The following EXT1 variants were observed in gnomAD, a reference collection of about 807,000 sequenced individuals.
The protein encoded by EXT1 is exostosin-1.
In EXT1, 20 loss-of-function variants were observed where a neutral mutation model predicts 82.5. The ratio of observed to expected loss-of-function variants is 0.24; its 90% CI spans 0.17 to 0.35. The LOEUF (loss-of-function observed/expected upper bound fraction) is 0.35, where lower values mean the gene tolerates loss of function less well. EXT1 is among the 10% of genes least tolerant of loss of function. The pLI is 1.00. For synonymous variants in EXT1, 348 were observed against 350.8 expected (o/e 0.99, Z 0.09); for missense variants, 757 against 936.5 (o/e 0.81, Z 2.50).
chr8:117,941,102 C>A, intron 1 of EXT1, among the ~76,000 whole-genome samples: 1 of 152,196 alleles, frequency 6.6e-6, no homozygotes, highest in Non-Finnish European at 1.5e-5. Context: ...AGAAATAATT[C>A]TCTCAATAAG....
intron 1 of EXT1, among the ~76,000 whole-genome samples, chr8:117,915,793 T>C (rs776030574): frequency 6.6e-6 from 1 of 151,972 alleles, no homozygotes; most frequent in Non-Finnish European, 1.5e-5. Flanking sequence ...GAGGCGGAGG[T>C]TACAGTGAGC....
chr8:117,898,972 C>T (rs1242233272), intron 1 of EXT1, among the ~76,000 whole-genome samples: 1 of 151,894 alleles, frequency 6.6e-6, no homozygotes, highest in African/African-American at 2.4e-5. Flanking sequence ...TTTTTTTACC[C>T]TCTAAATCTG....
intron 1 of EXT1, among the ~76,000 whole-genome samples, chr8:117,958,747 A>C (rs1362091231): frequency 1.3e-5 from 2 of 152,228 alleles, no homozygotes; most frequent in African/African-American, 4.8e-5. Context: ...CTACCTGCAC[A>C]TAGAACTAGA....
intron 1 of EXT1, among the ~76,000 whole-genome samples, chr8:117,897,384 G>C (rs1306932630): frequency 6.6e-6 from 1 of 152,156 alleles, no homozygotes; most frequent in Non-Finnish European, 1.5e-5. Flanking sequence ...AAGTGCCAAA[G>C]TGGGTTTATC....
chr8:117,800,704 C>T (rs1239077412), intron 10 of EXT1, among the ~76,000 whole-genome samples: 1 of 152,168 alleles, frequency 6.6e-6, no homozygotes, highest in Non-Finnish European at 1.5e-5. Context: ...GCAATCAGCC[C>T]TCCAAAGAAT....
At chr8:117,924,095 A>G (rs2129639562) in intron 1 of EXT1, among the ~76,000 whole-genome samples, 1 of 152,354 alleles carries the variant, frequency 6.6e-6, no homozygotes, top group East Asian at 1.9e-4. Flanking sequence ...GAATTTCCTT[A>G]GATATACTGA....
At chr8:117,901,313 C>T (rs1475447114) in intron 1 of EXT1, among the ~76,000 whole-genome samples, 3 of 152,142 alleles carry the variant, frequency 2.0e-5, no homozygotes, top group African/African-American at 7.2e-5. Flanking sequence ...GTTGTAACAC[C>T]ATGGTAAGTA....
chr8:117,968,553 ATTTTTTTTTTTTTTTTTTTTT>A (rs1182180428), intron 1 of EXT1, among the ~76,000 whole-genome samples: 1 of 9,308 alleles, frequency 1.1e-4, no homozygotes. Flanking sequence ...TTATTTATTT[ATTTTTTTTTTTTTTTTTTTTT>A]TTTTTTTTTT....
intron 1 of EXT1, among the ~76,000 whole-genome samples, chr8:117,985,045 T>C (rs1190040161): frequency 6.6e-6 from 1 of 152,042 alleles, no homozygotes; most frequent in Non-Finnish European, 1.5e-5. Context: ...TTCAGATGGC[T>C]GCTTAAGAGA....
At chr8:117,920,259 C>G (rs1436015383) in intron 1 of EXT1, among the ~76,000 whole-genome samples, 1 of 150,708 alleles carries the variant, frequency 6.6e-6, no homozygotes, top group Admixed American at 6.6e-5. Flanking sequence ...TATATGGCAC[C>G]ACACCAGCTG....
rs547117635 is a variant in EXT1 at position 118,039,771 on chromosome 8, T to C, written c.962+70314A>G. Among the ~76,000 whole-genome samples, 81 of 152,176 alleles carry C rather than the reference T, an allele frequency of 5.3e-4. 1 individual carries two copies. Among genetic ancestry groups the C allele is most frequent in the African/African-American group, 1.9e-3 (77 of 41,512 alleles). On this transcript the variant is annotated intron_variant, in intron 1 of 10. Transcript: ENST00000378204. ...AGGTGAAAGGGTTTAAAAAATCCCTTCCAGTTGAACTGGTGGGATGAACTA... is the reference window on the plus strand; with the variant it reads ...AGGTGAAAGGGTTTAAAAAATCCCTCCCAGTTGAACTGGTGGGATGAACTA...
intron 4 of EXT1, among the ~76,000 whole-genome samples, chr8:117,825,612 C>G (rs1811997427): frequency 6.6e-6 from 1 of 152,190 alleles, no homozygotes; most frequent in Non-Finnish European, 1.5e-5. Flanking sequence ...TATGTATCCT[C>G]TGTTTTCCAA....
In EXT1 at chr8:118,010,320, T is replaced by C. The variant is rs112002891; in HGVS notation, c.962+99765A>G. ...CCGGGAGACGGAGCTTGCAGTGAGCTGAGATTGCGCCACTGCACTCCAGCC... is the reference window on the plus strand; with the variant it reads ...CCGGGAGACGGAGCTTGCAGTGAGCCGAGATTGCGCCACTGCACTCCAGCC... On this transcript the variant is annotated intron_variant, in intron 1 of 10. Coordinates refer to ENST00000378204, the MANE Select transcript of EXT1 (RefSeq NM_000127.3). Among the ~76,000 whole-genome samples, 175 of 140,210 alleles carry C rather than the reference T, an allele frequency of 1.2e-3. 1 individual carries two copies. Among genetic ancestry groups the C allele is most frequent in the African/African-American group, 4.8e-3 (174 of 36,222 alleles). 92.0% of individuals were successfully genotyped at this position (140,210 alleles called of 152,430 possible). A position where few individuals can be genotyped will look rare whatever the true frequency, so the allele number is the denominator to read the frequency against.
chr8:117,832,179 T>G (rs543425954), intron 3 of EXT1, among the ~76,000 whole-genome samples: 2 of 152,000 alleles, frequency 1.3e-5, no homozygotes, highest in South Asian at 2.1e-4. Flanking sequence ...CTGCTAAGAG[T>G]TATATAGGTT....
At chr8:117,912,264 T>A (rs1359206474) in intron 1 of EXT1, among the ~76,000 whole-genome samples, 1 of 152,178 alleles carries the variant, frequency 6.6e-6, no homozygotes, top group Non-Finnish European at 1.5e-5. Context: ...GAGCTAGATC[T>A]TGCCATCATT....
chr8:118,079,842 G>A (rs1586261576), intron 1 of EXT1, among the ~76,000 whole-genome samples: 1 of 152,132 alleles, frequency 6.6e-6, no homozygotes, highest in South Asian at 2.1e-4. Context: ...GAGGATGGCT[G>A]CAACAAGATT....
chr8:117,968,549 ATTTATTTTTTTTTTTTTTTTTTTTTTTTT>A (rs1452376683), intron 1 of EXT1, among the ~76,000 whole-genome samples: 3,700 of 11,344 alleles, frequency 0.33, 1,078 homozygotes, highest in African/African-American at 0.75. Context: ...TTATTTATTT[ATTTATTTTTTTTTTTTTTTTTTTTTTTTT>A]TTTTTTTTTG....
At chr8:117,812,263 A>G (rs542976833) in intron 8 of EXT1, among the ~76,000 whole-genome samples, 3 of 152,258 alleles carry the variant, frequency 2.0e-5, no homozygotes, top group East Asian at 1.9e-4. Flanking sequence ...TACCATATCT[A>G]TCTTTCCTCC....
At chr8:117,926,656 T>C (rs927315512) in intron 1 of EXT1, among the ~76,000 whole-genome samples, 6 of 152,156 alleles carry the variant, frequency 3.9e-5, no homozygotes, top group South Asian at 2.1e-4. Flanking sequence ...GAGGGGTCAC[T>C]GAAGCCGAAG....
Sources: allele counts gnomAD v4.1 joint callset (sites outside exome capture counted in the v4.1 genomes callset), GRCh38; gene constraint gnomAD v4.1.1; transcripts MANE v1.5; gene names NCBI Gene and HGNC (gene_info 2026-07-23, HGNC 2026-07-21).